The following PPP1R13B variants were observed in gnomAD, a reference collection of about 807,000 sequenced individuals.
The protein encoded by PPP1R13B is protein phosphatase 1 regulatory subunit 13B.
A neutral mutation model predicts 119.8 loss-of-function variants in PPP1R13B; 44 were observed. The observed-to-expected ratio is 0.37, with a 90% CI of 0.29 to 0.47. PPP1R13B has a LOEUF of 0.47. PPP1R13B is among the 20% of genes least tolerant of loss of function. The pLI is 0.99. For missense variants in PPP1R13B, 1,227 were observed against 1,413.5 expected, an observed-to-expected ratio of 0.87 and a Z score of 2.12; for synonymous variants, 542 against 561.5, an observed-to-expected ratio of 0.97 and a Z score of 0.49.
At chr14:103,789,221 A>C (rs1246757899) in intron 2 of PPP1R13B, among the ~76,000 whole-genome samples, 1 of 151,550 alleles carries the variant, frequency 6.6e-6, no homozygotes, top group African/African-American at 2.4e-5. Context: ...GTATTTTTGC[A>C]ATTTTTTTTT....
At chr14:103,810,016 G>A (rs1256846792) in intron 1 of PPP1R13B, among the ~76,000 whole-genome samples, 1 of 151,354 alleles carries the variant, frequency 6.6e-6, no homozygotes, top group African/African-American at 2.4e-5. Flanking sequence ...TAGTAGAGAC[G>A]GGGTTTCACC....
intron 2 of PPP1R13B, among the ~76,000 whole-genome samples, chr14:103,790,453 G>A (rs2085589478): frequency 6.6e-6 from 1 of 152,052 alleles, no homozygotes. Flanking sequence ...GGTCATGAGA[G>A]CTCTATCTTC....
At chr14:103,765,984 A>ATTT (rs1277055527) in intron 4 of PPP1R13B, among the ~76,000 whole-genome samples, 99 of 111,766 alleles carry the variant, frequency 8.9e-4, no homozygotes, top group African/African-American at 3.3e-3. Context: ...GGAAATTTTT[A>ATTT]TTTTATTATT....
Position 103,733,351 on chromosome 14 carries a change from C to CT in PPP1R13B, c.*1802_*1803insA. The CT allele has an allele frequency of 4.2e-6, 1 of 238,434 alleles. No individual in the cohort carries two copies. 14.8% of individuals were successfully genotyped at this position (238,434 alleles called of 1,614,324 possible). A position where few individuals can be genotyped will look rare whatever the true frequency, so the allele number is the denominator to read the frequency against. ...GCAGGTCTACTAGAAGGTTCTGGCC[C>CT]ATCAATATTCATTTCATTTAATTCT... On this transcript the variant is annotated 3_prime_UTR_variant, in exon 17 of 17. Transcript: ENST00000202556.
At position 103,734,657 on chromosome 14, in the gene PPP1R13B, G is replaced by A; in HGVS notation, c.*497C>T. Reference sequence around the variant, plus strand: ...GCAACACTGGACATGTTTCCATACAGAGGCTCCTTTGGTGATGAAGGGAAG... The same window carrying A: ...GCAACACTGGACATGTTTCCATACAAAGGCTCCTTTGGTGATGAAGGGAAG... On this transcript the variant is annotated 3_prime_UTR_variant, in exon 17 of 17. Transcript: ENST00000202556. 1 of 456,676 alleles carries A rather than the reference G, an allele frequency of 2.2e-6. No individual in the cohort carries two copies. Among genetic ancestry groups the A allele is most frequent in the Non-Finnish European group, 4.4e-6 (1 of 226,948 alleles). 28.3% of individuals were successfully genotyped at this position (456,676 alleles called of 1,614,324 possible). A position where few individuals can be genotyped will look rare whatever the true frequency, so the allele number is the denominator to read the frequency against.
At position 103,832,691 on chromosome 14, in the gene PPP1R13B, G is replaced by A. The variant is rs370471244; in HGVS notation, c.9+14608C>T. Among the ~76,000 whole-genome samples, 124 of 152,298 alleles carry A rather than the reference G, an allele frequency of 8.1e-4. 1 individual carries two copies. Among genetic ancestry groups the A allele is most frequent in the African/African-American group, 2.9e-3 (120 of 41,568 alleles). On this transcript the variant is annotated intron_variant, in intron 1 of 16. Transcript: ENST00000202556. ...TAAGATCCATCAGCTGGGCATGGTG[G>A]CCCATGCCTATAATCCCAGCATCCC...
At chr14:103,837,359 C>T (rs2086801767) in intron 1 of PPP1R13B, among the ~76,000 whole-genome samples, 2 of 152,214 alleles carry the variant, frequency 1.3e-5, no homozygotes, top group Non-Finnish European at 2.9e-5. Context: ...GCATCTATCT[C>T]AAGCTCCACA....
At chr14:103,749,429 G>A (rs945294167) in intron 8 of PPP1R13B, among the ~76,000 whole-genome samples, 5 of 152,158 alleles carry the variant, frequency 3.3e-5, no homozygotes, top group African/African-American at 9.7e-5. Context: ...ATGAGGCTAC[G>A]CAAGTCAAAG....
In PPP1R13B at chr14:103,742,394, T is replaced by C. The variant is rs888105507; in HGVS notation, c.1321-103A>G. 4.2e-6 allele frequency: 6 copies of C among 1,436,922 alleles called. No homozygotes were observed. The highest frequency in any genetic ancestry group is 3.7e-6 in the Non-Finnish European group (4 of 1,079,070). The allele number at this position is 1,436,922 out of a possible 1,614,324, so 89.0% of individuals were successfully genotyped here. A position where few individuals can be genotyped will look rare whatever the true frequency, so the allele number is the denominator to read the frequency against. ...AATACACAGTAGAATTTGTAATCCGTCAAATTGGCTGTGACCAGGACTTGG... is the reference window on the plus strand; with the variant it reads ...AATACACAGTAGAATTTGTAATCCGCCAAATTGGCTGTGACCAGGACTTGG... On this transcript the variant is annotated intron_variant, in intron 10 of 16. Transcript: ENST00000202556. This position sits in a 1 kb window ranked among gnomAD's most constrained non-coding sequence, Gnocchi z 4.9.
chr14:103,789,471 C>T (rs1036117559), intron 2 of PPP1R13B, among the ~76,000 whole-genome samples: 1 of 152,088 alleles, frequency 6.6e-6, no homozygotes, highest in Non-Finnish European at 1.5e-5. Flanking sequence ...CCACCTCAGC[C>T]TCCCAAAGTG....
At chr14:103,764,792 T>C (rs116684380) in intron 4 of PPP1R13B, among the ~76,000 whole-genome samples, 303 of 152,322 alleles carry the variant, frequency 2.0e-3, no homozygotes, top group African/African-American at 7.0e-3. Flanking sequence ...AAACTTGTCA[T>C]TTATTTAAAT....
chr14:103,799,387 CCAGGCTGG>C (rs1454676634), intron 1 of PPP1R13B, among the ~76,000 whole-genome samples: 1 of 151,866 alleles, frequency 6.6e-6, no homozygotes, highest in African/African-American at 2.4e-5. Flanking sequence ...ACCGTGTTAG[CCAGGCTGG>C]TCTTGAACTC....
Position 103,778,783 on chromosome 14 carries a change from C to T in PPP1R13B, c.316G>A (p.Val106Ile), listed in dbSNP as rs773530712. Residue 106 changes from valine to isoleucine, a missense_variant, in exon 4 of 17, where the codon GTA (valine) becomes ATA (isoleucine). By Grantham distance (29) the Val-to-Ile change is conservative (BLOSUM62 3). Coordinates refer to ENST00000202556, the MANE Select transcript of PPP1R13B (RefSeq NM_015316.3). The part of the protein sequence containing the change: ...QTQEQRTQRN[V>I]INVPGEKRTE... The stretch of plus-strand genomic sequence containing the variant: ...CGTTTTTCTCCAGGTACATTTATTA[C>T]ATTTCTCTGAGTTCGTTGCTCTTGG... The T allele has an allele frequency of 3.1e-6, 5 of 1,613,904 alleles. No homozygotes were observed. The East Asian group carries it at 1.1e-4, about 36-fold the overall frequency.
At chr14:103,759,526 A>C (rs2084755460) in intron 4 of PPP1R13B, among the ~76,000 whole-genome samples, 1 of 150,680 alleles carries the variant, frequency 6.6e-6, no homozygotes, top group African/African-American at 2.4e-5. Context: ...TGCTGGCCTC[A>C]ATCTCCTGGG....
At chr14:103,767,898 CT>C in intron 4 of PPP1R13B, among the ~76,000 whole-genome samples, 1 of 152,282 alleles carries the variant, frequency 6.6e-6, no homozygotes, top group East Asian at 1.9e-4. Context: ...CCTTATTCCA[CT>C]TTTACTACAC....
intron 1 of PPP1R13B, chr14:103,804,089 A>ATT: frequency 1.1e-6 from 1 of 926,510 alleles, no homozygotes; most frequent in Non-Finnish European, 1.3e-6. Flanking sequence ...AACTTGCTCC[A>ATT]TTTTTTTTTT....
intron 1 of PPP1R13B, among the ~76,000 whole-genome samples, chr14:103,838,582 T>C (rs2086830715): frequency 6.6e-6 from 1 of 152,222 alleles, no homozygotes; most frequent in African/African-American, 2.4e-5. Context: ...GTGAATTTTA[T>C]AGCACATGAA....
At chr14:103,745,465 C>A (rs866943850) in intron 9 of PPP1R13B, among the ~76,000 whole-genome samples, 19 of 152,252 alleles carry the variant, frequency 1.2e-4, no homozygotes, top group African/African-American at 4.6e-4. Flanking sequence ...GTGTCAACCT[C>A]AGTCATAAAG....
intron 1 of PPP1R13B, among the ~76,000 whole-genome samples, chr14:103,812,851 C>G (rs1298073469): frequency 2.0e-5 from 3 of 152,170 alleles, no homozygotes; most frequent in Non-Finnish European, 1.5e-5. Flanking sequence ...ATTAATAAAA[C>G]AACAGTGAAA....
Sources: gnomAD v4.1 joint callset for allele counts (sites outside exome capture counted in the v4.1 genomes callset) on GRCh38, gnomAD v4.1.1 for gene constraint, Gnocchi (gnomAD v3.1) non-coding constraint, MANE v1.5 for transcripts, NCBI Gene and HGNC (gene_info 2026-07-23, HGNC 2026-07-21) for gene names.